The following TBC1D31 variants were observed in gnomAD, a reference collection of about 807,000 sequenced individuals.
The protein encoded by TBC1D31 is TBC1 domain family member 31, also known as WD repeat domain 67.
TBC1D31 carries 99 observed loss-of-function variants against 132.9 expected under a neutral mutation model. The ratio of observed to expected loss-of-function variants is 0.74; its 90% CI spans 0.63 to 0.88. The LOEUF (loss-of-function observed/expected upper bound fraction) is 0.88, where lower values mean the gene tolerates loss of function less well. Ranked by LOEUF, TBC1D31 falls within the 40% of genes least tolerant of loss-of-function variation. TBC1D31 has a pLI of 0.00. For synonymous variants in TBC1D31, 385 were observed against 419.4 expected, an observed-to-expected ratio of 0.92 and a Z score of 1.00; for missense variants, 1,134 against 1,256.6, an observed-to-expected ratio of 0.90 and a Z score of 1.48.
chr8:123,092,278 G>T (rs1816401948), intron 4 of TBC1D31, among the ~76,000 whole-genome samples: 1 of 152,086 alleles, frequency 6.6e-6, no homozygotes, highest in African/African-American at 2.4e-5. Flanking sequence ...GCCTCCCAAA[G>T]TGCTGAGATT....
At chr8:123,124,571 C>G (rs560408034) in intron 11 of TBC1D31, among the ~76,000 whole-genome samples, 97 of 152,150 alleles carry the variant, frequency 6.4e-4, no homozygotes, top group Non-Finnish European at 1.1e-3. Flanking sequence ...TTTAAGTTCT[C>G]AGAACTACCA....
At chr8:123,090,600 G>A (rs988623293) in intron 4 of TBC1D31, among the ~76,000 whole-genome samples, 2 of 152,070 alleles carry the variant, frequency 1.3e-5, no homozygotes, top group African/African-American at 4.8e-5. Flanking sequence ...TAATACATTT[G>A]ACCTTAACTT....
chr8:123,161,144 G>GC, the TBC1D31 span, among the ~76,000 whole-genome samples: 1 of 152,224 alleles, frequency 6.6e-6, no homozygotes, highest in Non-Finnish European at 1.5e-5. Context: ...GCCTCAGCCT[G>GC]CGCCTGCGCC....
intron 20 of TBC1D31, among the ~76,000 whole-genome samples, chr8:123,147,757 T>C (rs938740270): frequency 1.3e-5 from 2 of 152,190 alleles, no homozygotes; most frequent in Non-Finnish European, 2.9e-5. Flanking sequence ...GTCAGTCATG[T>C]TCTTAATCAG....
Position 123,120,370 on chromosome 8 carries a change from T to C in TBC1D31, c.1570+182T>C, listed in dbSNP as rs535140026. 4.3e-4 allele frequency among the ~76,000 whole-genome samples: 65 copies of C among 152,338 alleles called. 2 individuals are homozygous for C. The South Asian group carries it at 0.012, about 29-fold the overall frequency. ...TGAAGCATTTATATGTAAACCTTTT[T>C]ATTTAGAAGAAAATCTGGAGGCCGG... is the stretch of plus-strand genomic sequence containing the variant. On this transcript the variant is annotated intron_variant, in intron 11 of 21. Transcript: ENST00000287380.
chr8:123,150,197 C>A, intron 21 of TBC1D31, 69 bp downstream of exon 21: 1 of 1,235,832 alleles, frequency 8.1e-7, no homozygotes, highest in Non-Finnish European at 1.2e-6. Context: ...AAAATTGTGG[C>A]TTAAATTATA....
At chr8:123,110,708 A>G (rs1818360756) in intron 10 of TBC1D31, among the ~76,000 whole-genome samples, 1 of 145,376 alleles carries the variant, frequency 6.9e-6, no homozygotes, top group South Asian at 2.2e-4. Context: ...CCTAAAGGAT[A>G]AGGACTCTTT....
intron 5 of TBC1D31, among the ~76,000 whole-genome samples, chr8:123,096,578 G>A (rs1816862830): frequency 6.6e-6 from 1 of 152,112 alleles, no homozygotes; most frequent in Admixed American, 6.6e-5. Context: ...TTATTTGTTT[G>A]TTTGCCTTCC....
chr8:123,157,385 C>T, the TBC1D31 span, among the ~76,000 whole-genome samples: 1 of 152,136 alleles, frequency 6.6e-6, no homozygotes, highest in East Asian at 1.9e-4. Flanking sequence ...TTTACTGCTG[C>T]TGTAAATCCC....
At chr8:123,150,193 G>C in intron 21 of TBC1D31, 65 bp downstream of exon 21, 1 of 1,287,628 alleles carries the variant, frequency 7.8e-7, no homozygotes. Context: ...AAGCAAAATT[G>C]TGGCTTAAAT....
chr8:123,120,255 C>A, intron 11 of TBC1D31, 67 bp downstream of exon 11: 2 of 1,335,484 alleles, frequency 1.5e-6, no homozygotes, highest in Non-Finnish European at 2.0e-6. Flanking sequence ...GATGTCTTTG[C>A]ACCTTTGCAA....
chr8:123,076,753 T>C (rs1814555638), intron 1 of TBC1D31, among the ~76,000 whole-genome samples: 2 of 152,340 alleles, frequency 1.3e-5, no homozygotes, highest in South Asian at 4.1e-4. Context: ...TTAATCACAG[T>C]TTATAAATCT....
At chr8:123,096,359 C>T (rs1248704356) in intron 5 of TBC1D31, among the ~76,000 whole-genome samples, 1 of 152,126 alleles carries the variant, frequency 6.6e-6, no homozygotes. Context: ...CTCTTACTTA[C>T]TTTTCCTTAT....
chr8:123,111,966 C>T (rs1188337240), intron 10 of TBC1D31, among the ~76,000 whole-genome samples: 1 of 152,066 alleles, frequency 6.6e-6, no homozygotes, highest in Non-Finnish European at 1.5e-5. Flanking sequence ...CGATCCTCCC[C>T]CCTTAGCCTC....
intron 16 of TBC1D31, among the ~76,000 whole-genome samples, chr8:123,132,560 C>G (rs546238844): frequency 1.3e-5 from 2 of 151,514 alleles, no homozygotes; most frequent in Non-Finnish European, 2.9e-5. Context: ...ATTACAGGTG[C>G]CTGCCACAAC....
In TBC1D31 at chr8:123,149,556, TGAG is replaced by T. The variant is rs200835253; in HGVS notation, c.2975-476_2975-474del. On this transcript the variant is annotated intron_variant, in intron 20 of 21. Coordinates refer to ENST00000287380, the MANE Select transcript of TBC1D31 (RefSeq NM_145647.4). ...CTGAGGGTGAGTGTAAGTTTTGAGATGAGGAGAGTAATTGATAAAAGTAGGGGA... is the reference window on the plus strand; with the variant it reads ...CTGAGGGTGAGTGTAAGTTTTGAGATGAGAGTAATTGATAAAAGTAGGGGA... Among the ~76,000 whole-genome samples the T allele has an allele frequency of 9.0e-3, 1,377 of 152,226 alleles. 6 individuals carry two copies. Among genetic ancestry groups the T allele is most frequent in the Non-Finnish European group, 0.013 (880 of 67,994 alleles).
intron 10 of TBC1D31, among the ~76,000 whole-genome samples, chr8:123,118,255 G>C (rs1819139880): frequency 1.0e-5 from 1 of 96,698 alleles, no homozygotes; most frequent in Admixed American, 1.1e-4. Flanking sequence ...CCATAATTTA[G>C]TGAATAGCAT....
At chr8:123,140,687 A>C in intron 17 of TBC1D31, 74 bp from the exon 18 acceptor site, 1 of 1,248,912 alleles carries the variant, frequency 8.0e-7, no homozygotes, top group Non-Finnish European at 1.1e-6. Context: ...GCATATTACT[A>C]TTCTGAAAAA....
chr8:123,100,222 G>A (rs1392693477), intron 6 of TBC1D31, among the ~76,000 whole-genome samples: 1 of 152,104 alleles, frequency 6.6e-6, no homozygotes, highest in Non-Finnish European at 1.5e-5. Flanking sequence ...GTTCCCTCCT[G>A]GTTCTGATTA....
Sources: gnomAD v4.1 joint callset for allele counts (sites outside exome capture counted in the v4.1 genomes callset) on GRCh38, gnomAD v4.1.1 for gene constraint, MANE v1.5 for transcripts, NCBI Gene and HGNC (gene_info 2026-07-23, HGNC 2026-07-21) for gene names.